The following LRP5 variants were observed in gnomAD, a reference collection of about 807,000 sequenced individuals.
LRP5 encodes the protein low-density lipoprotein receptor-related protein 5.
Under a neutral mutation model 154.1 loss-of-function variants are expected in LRP5, and 62 were observed. That is an observed-to-expected ratio of 0.40 (90% CI 0.33 to 0.50). LRP5 has a LOEUF of 0.50. Among genes scored for constraint, LRP5 ranks in the 20% least tolerant of loss-of-function variants. The pLI is 0.55. For missense variants in LRP5, 1,915 were observed against 2,336.7 expected, an observed-to-expected ratio of 0.82 and a Z score of 3.72; for synonymous variants, 966 against 1,011.5, an observed-to-expected ratio of 0.96 and a Z score of 0.85.
intron 18 of LRP5, among the ~76,000 whole-genome samples, chr11:68,434,350 TTTCATTCATTCATTCATTCA>T (rs3138551): frequency 6.3e-5 from 9 of 143,466 alleles, no homozygotes; most frequent in African/African-American, 1.1e-4. Flanking sequence ...GTGAGTTTTC[TTTCATTCATTCATTCATTCA>T]TTCATTCATT....
rs1422355251 is a variant in LRP5, at chr11:68,426,171, C to G, written c.3621C>G (p.Val1207=). ...HLTGIHAVEE[V]SLEEFSAHPC... is the part of the protein sequence containing the mutation. Reference sequence around the variant, plus strand: ...CTGGCATCCATGCAGTGGAGGAAGTCAGCCTGGAGGAGTTCTGTACGTGGG... The same window carrying G: ...CTGGCATCCATGCAGTGGAGGAAGTGAGCCTGGAGGAGTTCTGTACGTGGG... The change falls in exon 16 of 23, where the codon GTC becomes GTG. Residue 1207 remains valine (V), a synonymous_variant. Transcript: ENST00000294304. 1 of 1,611,754 alleles carries G rather than the reference C, an allele frequency of 6.2e-7. No individual in the cohort carries two copies. The highest frequency in any genetic ancestry group is 8.5e-7 in the Non-Finnish European group (1 of 1,179,990).
chr11:68,334,261 A>G (rs190377626), intron 1 of LRP5, among the ~76,000 whole-genome samples: 125 of 152,166 alleles, frequency 8.2e-4, no homozygotes, highest in Middle Eastern at 3.4e-3. Flanking sequence ...ATAAAGAAGC[A>G]GCATGTCGAG....
chr11:68,443,662 TCTC>T, intron 21 of LRP5, among the ~76,000 whole-genome samples: 4 of 141,840 alleles, frequency 2.8e-5, no homozygotes, highest in African/African-American at 1.1e-4. Flanking sequence ...TCACACTCTC[TCTC>T]TTTTTTTTTT....
At chr11:68,334,049 C>A (rs1329223133) in intron 1 of LRP5, among the ~76,000 whole-genome samples, 1 of 152,096 alleles carries the variant, frequency 6.6e-6, no homozygotes, top group Non-Finnish European at 1.5e-5. Flanking sequence ...GCCTGGCCAA[C>A]ATGGTGAAAC....
At position 68,447,828 on chromosome 11, in the gene LRP5, A is replaced by G. The variant is rs1399098290; in HGVS notation, c.4587-981A>G. On this transcript the variant is annotated intron_variant, in intron 22 of 22. Transcript: ENST00000294304. The surrounding 1 kb of genome is among the most constrained non-coding windows in gnomAD (Gnocchi z 4.3). ...CACAGTTCCGAGTCTGAACTCACACAGTGGGATGCGGCGTTTCTGGGCCAC... is the reference window on the plus strand; with the variant it reads ...CACAGTTCCGAGTCTGAACTCACACGGTGGGATGCGGCGTTTCTGGGCCAC... Among the ~76,000 whole-genome samples, 1 of 152,100 alleles carries G rather than the reference A, an allele frequency of 6.6e-6. No individual in the cohort carries two copies. The highest frequency in any genetic ancestry group is 2.4e-5 in the African/African-American group (1 of 41,414).
chr11:68,427,971 TTTTTTTTATTTA>T (rs943710118), intron 16 of LRP5, among the ~76,000 whole-genome samples: 18 of 44,250 alleles, frequency 4.1e-4, no homozygotes, highest in Non-Finnish European at 7.5e-4. Flanking sequence ...TTTTATTTTA[TTTTTTTTATTTA>T]TTTATTTATT....
chr11:68,343,979 A>G (rs1413991791), intron 1 of LRP5, among the ~76,000 whole-genome samples: 13 of 152,090 alleles, frequency 8.5e-5, no homozygotes, highest in Admixed American at 8.5e-4. Flanking sequence ...GGGTGCCTGC[A>G]GGCTGGGTGG....
At chr11:68,321,058 GTTTTTTTTTTTTT>G in intron 1 of LRP5, among the ~76,000 whole-genome samples, 1 of 119,796 alleles carries the variant, frequency 8.3e-6, no homozygotes, top group East Asian at 2.2e-4. Context: ...TTCTGTCTGG[GTTTTTTTTTTTTT>G]TTTTTTTTTG....
At chr11:68,388,993 A>G (rs200824089) in intron 6 of LRP5, among the ~76,000 whole-genome samples, 3 of 152,110 alleles carry the variant, frequency 2.0e-5, no homozygotes, top group East Asian at 1.9e-4. Flanking sequence ...GACATTTACC[A>G]ACACTGTTTA....
intron 2 of LRP5, among the ~76,000 whole-genome samples, chr11:68,349,741 C>G (rs1188989007): frequency 6.6e-6 from 1 of 152,160 alleles, no homozygotes; most frequent in Non-Finnish European, 1.5e-5. Context: ...CACTGGCCAG[C>G]TAGGCCAGGT....
intron 3 of LRP5, among the ~76,000 whole-genome samples, chr11:68,359,556 A>ATGGTGG (rs1214980484): frequency 6.6e-6 from 1 of 152,174 alleles, no homozygotes; most frequent in Non-Finnish European, 1.5e-5. Context: ...AAACATGCTA[A>ATGGTGG]TGGTGGTGGC....
At chr11:68,371,441 G>A (rs769558610) in intron 5 of LRP5, among the ~76,000 whole-genome samples, 49 of 152,344 alleles carry the variant, frequency 3.2e-4, no homozygotes, top group South Asian at 8.3e-4. Context: ...AGCAGACCAC[G>A]CGGCAGCCTG....
At chr11:68,372,168 C>T (rs996123985) in intron 5 of LRP5, among the ~76,000 whole-genome samples, 12 of 152,122 alleles carry the variant, frequency 7.9e-5, no homozygotes, top group African/African-American at 2.4e-4. Flanking sequence ...AGTTGGGAGC[C>T]GGCCAAGGAG....
chr11:68,347,780 T>G (rs985580003), intron 1 of LRP5, 67 bp from the exon 2 acceptor site: 1 of 1,572,886 alleles, frequency 6.4e-7, no homozygotes, highest in African/African-American at 1.3e-5. Flanking sequence ...GGCATAGTGC[T>G]CCATCCCAGG....
At chr11:68,403,725 G>T (rs763142914) in intron 8 of LRP5, 26 bp downstream of exon 8, 1 of 1,612,084 alleles carries the variant, frequency 6.2e-7, no homozygotes, top group Admixed American at 1.7e-5. Context: ...CCCAAGCCAT[G>T]GCTCAGCCAT....
At chr11:68,387,823 G>A (rs1303106461) in intron 6 of LRP5, among the ~76,000 whole-genome samples, 2 of 152,162 alleles carry the variant, frequency 1.3e-5, no homozygotes, top group Non-Finnish European at 2.9e-5. Context: ...AGCACTTAGT[G>A]GGCACCAGGT....
At position 68,429,565 on chromosome 11, in the gene LRP5, G is replaced by T; in HGVS notation, c.3638-10G>T. The T allele has an allele frequency of 6.2e-7, 1 of 1,614,088 alleles. No individual in the cohort carries two copies. On this transcript the variant is annotated splice_polypyrimidine_tract_variant and intron_variant, in intron 16 of 22. Coordinates refer to ENST00000294304, the MANE Select transcript of LRP5 (RefSeq NM_002335.4). ...GCCTGACCTCTGTTTGTCTTGTTTT[G>T]TCTTTGCAGCAGCCCACCCATGTGC...
chr11:68,389,804 G>A (rs1254062420), intron 6 of LRP5, 77 bp from the exon 7 acceptor site: 8 of 1,509,052 alleles, frequency 5.3e-6, no homozygotes, highest in Non-Finnish European at 7.4e-6. Flanking sequence ...CTTGGGGGCA[G>A]GCCTTGCTCT....
intron 1 of LRP5, among the ~76,000 whole-genome samples, chr11:68,333,182 T>C (rs1467125590): frequency 6.6e-6 from 1 of 152,162 alleles, no homozygotes; most frequent in Non-Finnish European, 1.5e-5. Flanking sequence ...GTGAGCTGCG[T>C]GCAGGTAATT....
Sources: gnomAD v4.1 joint callset for allele counts (sites outside exome capture counted in the v4.1 genomes callset) on GRCh38, gnomAD v4.1.1 for gene constraint, Gnocchi (gnomAD v3.1) non-coding constraint, MANE v1.5 for transcripts, NCBI Gene and HGNC (gene_info 2026-07-23, HGNC 2026-07-21) for gene names.